Variants in PARP4 observed in about 807,000 individuals in gnomAD.
PARP4 encodes the protein protein mono-ADP-ribosyltransferase PARP4.
Under a neutral mutation model 187.7 loss-of-function variants are expected in PARP4, and 120 were observed. The ratio of observed to expected loss-of-function variants is 0.64; its 90% CI spans 0.55 to 0.74. The LOEUF (loss-of-function observed/expected upper bound fraction) is 0.74, where lower values mean the gene tolerates loss of function less well. Ranked by LOEUF, PARP4 falls within the 30% of genes least tolerant of loss-of-function variation. The pLI, the probability that PARP4 is intolerant of heterozygous loss-of-function variation, is 0.00. For missense variants in PARP4, 1,836 were observed against 2,070.5 expected (o/e 0.89, Z 2.20); for synonymous variants, 654 against 740.9 (o/e 0.88, Z 1.90).
chr13:24,427,370 C>CTTT (rs35815244), intron 32 of PARP4, among the ~76,000 whole-genome samples: 22 of 133,586 alleles, frequency 1.6e-4, no homozygotes, highest in South Asian at 4.5e-4. Flanking sequence ...ATCCAAGCTT[C>CTTT]TTTTTTTTTT....
intron 13 of PARP4, 101 bp downstream of exon 13, chr13:24,477,992 T>G: frequency 9.3e-7 from 1 of 1,069,984 alleles, no homozygotes; most frequent in East Asian, 2.6e-5. Flanking sequence ...ATATAACAAT[T>G]ATTTAAACTT....
At chr13:24,493,523 A>G in intron 8 of PARP4, 73 bp downstream of exon 8, 2 of 1,428,056 alleles carry the variant, frequency 1.4e-6, no homozygotes, top group Non-Finnish European at 9.6e-7. Flanking sequence ...ATGCAAACAC[A>G]CGTGTTATTG....
In PARP4 at chr13:24,435,104, T is replaced by C. The variant is rs762900703; in HGVS notation, c.4037A>G (p.Gln1346Arg). The C allele has an allele frequency of 1.2e-6, 2 of 1,613,958 alleles. No homozygotes were observed. Among genetic ancestry groups the C allele is most frequent in the Non-Finnish European group, 8.5e-7 (1 of 1,180,012 alleles). ...AGCAGCTGAACCGAAACTAGCTACC[T>C]GACGATATGAGGCAAAAGACAAGGA... ...PASLSFASYR[Q>R]VASFGSAAPP... The change falls in exon 31 of 34, where the codon CAG becomes CGG. Residue 1346 changes from glutamine (Q) to arginine (R), a missense_variant. Around this residue, in one of 8 missense-constraint regions of PARP4, gnomAD observed 450 missense variants for 439.2 expected, o/e 1.02. Transcript: ENST00000381989.
At position 24,434,667 on chromosome 13, in the gene PARP4, G is replaced by A. The variant is rs547086761; in HGVS notation, c.4474C>T (p.Arg1492Trp). ...ALPEALCSQS[R>W]TTPVDLCLLE... ...AGACAGAGATCTACTGGGGTAGTCC[G>A]GGACTGACTGCAAAGAGCCTCAGGT... Residue 1492 changes from arginine to tryptophan, a missense_variant, in exon 31 of 34, where the codon CGG becomes TGG. Physicochemically the swap from Arg to Trp is moderately radical, Grantham distance 101 (BLOSUM62 -3). Around this residue, in one of 8 missense-constraint regions of PARP4, gnomAD observed 450 missense variants for 439.2 expected, o/e 1.02. Coordinates refer to ENST00000381989, the MANE Select transcript of PARP4 (RefSeq NM_006437.4). 17 of 1,614,108 alleles carry A rather than the reference G, an allele frequency of 1.1e-5. No individual in the cohort carries two copies. The highest frequency in any genetic ancestry group is 4.4e-5 in the South Asian group (4 of 91,052).
At chr13:24,428,328 C>T (rs1160855386) in intron 32 of PARP4, among the ~76,000 whole-genome samples, 3 of 152,180 alleles carry the variant, frequency 2.0e-5, no homozygotes, top group South Asian at 2.1e-4. Context: ...CTAAACCCTG[C>T]TGTGCAGCAG....
intron 12 of PARP4, among the ~76,000 whole-genome samples, chr13:24,482,120 C>T (rs1274706530): frequency 6.6e-6 from 1 of 152,160 alleles, no homozygotes; most frequent in Admixed American, 6.5e-5. Context: ...GTAGATGTGG[C>T]AGAAGCAGCA....
intron 1 of PARP4, among the ~76,000 whole-genome samples, chr13:24,509,976 A>C (rs1208749833): frequency 6.6e-6 from 1 of 152,134 alleles, no homozygotes. Flanking sequence ...CTAGGATTAC[A>C]GGCATGAGCC....
chr13:24,496,322 G>C (rs1232076961), intron 6 of PARP4, among the ~76,000 whole-genome samples: 1 of 152,162 alleles, frequency 6.6e-6, no homozygotes, highest in Non-Finnish European at 1.5e-5. Flanking sequence ...ATTTGACCAT[G>C]GATTAGCTTT....
chr13:24,470,174 C>A, intron 15 of PARP4, 149 bp from the exon 16 acceptor site: 1 of 672,336 alleles, frequency 1.5e-6, no homozygotes. Flanking sequence ...GGCTTCACTT[C>A]TGCAATGGAG....
intron 25 of PARP4, among the ~76,000 whole-genome samples, chr13:24,447,497 A>C (rs995832503): frequency 2.5e-4 from 38 of 152,128 alleles, no homozygotes; most frequent in African/African-American, 9.2e-4. Context: ...AGTAGCTGGG[A>C]CTACAGGCGT....
chr13:24,459,982 T>G lies in PARP4; in HGVS notation c.2288A>C (p.Glu763Ala). ...APWQQDKALN[E>A]NLQDTVEKIC... The stretch of plus-strand genomic sequence containing the variant: ...CTTATGCGTACAAACCTGAAGGTTT[T>G]CATTCAAAGCCTTGTCCTGTTGCCA... The change falls in exon 18 of 34, where the codon GAA (glutamate) becomes GCA (alanine). Residue 763 changes from glutamate (E) to alanine (A), a missense_variant. Glu to Ala is a moderately radical substitution (Grantham distance 107). This residue lies in a region of PARP4 where 1,147 missense variants were observed against 1,214.2 expected (regional missense o/e 0.94). Coordinates refer to ENST00000381989, the MANE Select transcript of PARP4 (RefSeq NM_006437.4). The G allele has an allele frequency of 6.2e-7, 1 of 1,613,640 alleles. No individual in the cohort carries two copies. Among genetic ancestry groups the G allele is most frequent in the Non-Finnish European group, 8.5e-7 (1 of 1,179,860 alleles).
In PARP4 at chr13:24,456,477, C is replaced by T. The variant is rs139822298; in HGVS notation, c.2426G>A (p.Arg809His). The change falls in exon 21 of 34, where the codon CGC becomes CAC. Residue 809 changes from arginine to histidine, a missense_variant and splice_region_variant. Around this residue, in one of 8 missense-constraint regions of PARP4, gnomAD observed 1,147 missense variants for 1,214.2 expected, o/e 0.94. Coordinates refer to ENST00000381989, the MANE Select transcript of PARP4 (RefSeq NM_006437.4). ...FSDTHELKQK[R>H]TDCKAVISTM... The stretch of plus-strand genomic sequence containing the variant: ...GCTAATGACAGCTTTGCAGTCTGTG[C>T]GCTGCAAAACAAACACCGCGACAAC... 6.4e-5 allele frequency: 101 copies of T among 1,586,876 alleles called. No homozygotes were observed. The highest frequency in any genetic ancestry group is 1.9e-4 in the Admixed American group (11 of 59,326).
chr13:24,477,319 A>C (rs1458515793), intron 14 of PARP4, among the ~76,000 whole-genome samples: 1 of 152,098 alleles, frequency 6.6e-6, no homozygotes, highest in Non-Finnish European at 1.5e-5. Context: ...GTCTCTAAAA[A>C]AAAAAGTCAC....
chr13:24,468,901 G>A (rs1872610379), intron 17 of PARP4, 123 bp downstream of exon 17: 1 of 710,872 alleles, frequency 1.4e-6, no homozygotes, highest in African/African-American at 1.8e-5. Flanking sequence ...CAGACCAAGT[G>A]GAACTCTGGG....
rs147514322 is a variant in PARP4 at position 24,495,670 on chromosome 13, T to C, written c.592-948A>G. Among the ~76,000 whole-genome samples, 12 of 152,282 alleles carry C rather than the reference T, an allele frequency of 7.9e-5. No homozygotes were observed. In the East Asian group the frequency reaches 1.4e-3, roughly 17 times the overall value. ...GCCATGGTGTCCTTGTAGGTGTTGG[T>C]TGAGCCCCTGGCTTGGGGGTGTGGA... On this transcript the variant is annotated intron_variant, in intron 6 of 33. Transcript: ENST00000381989.
rs1868712520 is a variant in PARP4, at chr13:24,492,479, C to G, written c.995G>C (p.Gly332Ala). ...TEFYRLIPHK[G>A]TMPKEVNLGL... ...CAGGTTCACTTCTTTGGGCATTGTG[C>G]CTTTGTGAGGTATCAGTCTGTAAAA... is the stretch of plus-strand genomic sequence containing the variant. Residue 332 changes from glycine to alanine, a missense_variant, in exon 9 of 34, where the codon GGC (glycine) becomes GCC (alanine). Physicochemically the swap from Gly to Ala is moderately conservative, Grantham distance 60. Around this residue, in one of 8 missense-constraint regions of PARP4, gnomAD observed 1,147 missense variants for 1,214.2 expected, o/e 0.94. Coordinates refer to ENST00000381989, the MANE Select transcript of PARP4 (RefSeq NM_006437.4). 6.2e-7 allele frequency: 1 copy of G among 1,613,928 alleles called. No individual in the cohort carries two copies.
At chr13:24,428,329 T>C (rs763602696) in intron 32 of PARP4, among the ~76,000 whole-genome samples, 1 of 152,220 alleles carries the variant, frequency 6.6e-6, no homozygotes. Flanking sequence ...TAAACCCTGC[T>C]GTGCAGCAGG....
intron 32 of PARP4, among the ~76,000 whole-genome samples, chr13:24,430,342 G>A (rs1363737024): frequency 6.6e-6 from 1 of 152,020 alleles, no homozygotes; most frequent in African/African-American, 2.4e-5. Context: ...GTTTAATAAT[G>A]TGTATTTTAT....
intron 33 of PARP4, among the ~76,000 whole-genome samples, chr13:24,422,386 T>C (rs1261534322): frequency 6.6e-6 from 1 of 152,246 alleles, no homozygotes; most frequent in South Asian, 2.1e-4. Context: ...CAATGTTTCC[T>C]AGTAAATATT....
Sources: gnomAD v4.1 joint callset for allele counts (sites outside exome capture counted in the v4.1 genomes callset) on GRCh38, gnomAD v4.1.1 for gene constraint, gnomAD v4.1.1 regional missense constraint, MANE v1.5 for transcripts, NCBI Gene and HGNC (gene_info 2026-07-23, HGNC 2026-07-21) for gene names.